The following ADGRE2 variants were observed in gnomAD, a reference collection of about 807,000 sequenced individuals.
The protein encoded by ADGRE2 is adhesion G protein-coupled receptor E2.
In ADGRE2, 83 loss-of-function variants were observed where a neutral mutation model predicts 100.8. That is an observed-to-expected ratio of 0.82 (90% CI 0.69 to 0.99). The LOEUF (loss-of-function observed/expected upper bound fraction) is 0.99. Among genes scored for constraint, ADGRE2 ranks in the 50% least tolerant of loss-of-function variants. ADGRE2 has a pLI of 0.00. For synonymous variants in ADGRE2, 355 were observed against 413.0 expected (o/e 0.86, Z 1.70); for missense variants, 814 against 1,035.7 (o/e 0.79, Z 2.94).
At chr19:14,750,547 G>A (rs2043253784) in intron 16 of ADGRE2, among the ~76,000 whole-genome samples, 1 of 150,480 alleles carries the variant, frequency 6.6e-6, no homozygotes, top group African/African-American at 2.5e-5. Flanking sequence ...GTGTCCTGGA[G>A]GTTTCAACCA....
At chr19:14,751,350 G>T in intron 16 of ADGRE2, 86 bp downstream of exon 16, 2 of 931,152 alleles carry the variant, frequency 2.1e-6, no homozygotes, top group Non-Finnish European at 3.5e-6. Flanking sequence ...CTAATTAAAA[G>T]CAGGTGTCAT....
rs773278296 is a variant in ADGRE2, at chr19:14,764,476, G to A, written c.1041C>T (p.Asn347=). 7.3e-5 allele frequency: 117 copies of A among 1,613,104 alleles called. No homozygotes were observed. The highest frequency in any genetic ancestry group is 9.4e-5 in the Non-Finnish European group (111 of 1,179,996). ...LEDVLRGLSK[N]LSNGLLNFSY... ...TGAAGTTCAACAGCCCATTGGAAAG[G>A]TTCTTGCTCAGGCCTCTGAGGACAT... The change falls in exon 11 of 21, where the codon AAC becomes AAT. Residue 347 remains asparagine (N), a synonymous_variant. Transcript: ENST00000315576.
intron 2 of ADGRE2, among the ~76,000 whole-genome samples, chr19:14,774,535 G>C (rs930339212): frequency 1.3e-5 from 2 of 151,168 alleles, no homozygotes. Flanking sequence ...TTGACACAGG[G>C]TCTCTCTGGG....
chr19:14,729,707 A>C (rs2042655688), downstream of ADGRE2, among the ~76,000 whole-genome samples: 1 of 152,202 alleles, frequency 6.6e-6, no homozygotes, highest in African/African-American at 2.4e-5. Context: ...ATTGTAGAGC[A>C]TGGTGACTAT....
At chr19:14,772,253 G>T in intron 5 of ADGRE2, 89 bp downstream of exon 5, 1 of 1,561,480 alleles carries the variant, frequency 6.4e-7, no homozygotes, top group African/African-American at 1.4e-5. Flanking sequence ...CCTATACTTG[G>T]GTACCTGCTC....
At chr19:14,769,013 A>G (rs1465717007) in intron 5 of ADGRE2, 1 of 152,234 alleles carries the variant, frequency 6.6e-6, no homozygotes, top group Non-Finnish European at 1.5e-5. Flanking sequence ...ATGATAGCAG[A>G]GAGAATGGAT....
chr19:14,765,611 G>A (rs1477867330), intron 8 of ADGRE2, 41 bp from the exon 9 acceptor site: 3 of 1,614,320 alleles, frequency 1.9e-6, no homozygotes, highest in Admixed American at 1.7e-5. Flanking sequence ...GCGGGAGCGT[G>A]TCAGTGTGTG....
intron 11 of ADGRE2, among the ~76,000 whole-genome samples, chr19:14,761,938 CAA>C (rs1246256669): frequency 1.3e-5 from 2 of 152,178 alleles, no homozygotes; most frequent in African/African-American, 4.8e-5. Context: ...CTTTCTCTCA[CAA>C]GAGAGAGAGT....
At chr19:14,773,080 C>CAAAAAAAAAAAAAAAAAAAAAAAAA (rs35688921) in intron 4 of ADGRE2, among the ~76,000 whole-genome samples, 3 of 45,824 alleles carry the variant, frequency 6.5e-5, no homozygotes, top group South Asian at 1.0e-3. Context: ...GACTCCATCT[C>CAAAAAAAAAAAAAAAAAAAAAAAAA]AAAAAAAAAA....
downstream of ADGRE2, chr19:14,731,099 C>T (rs577658747): frequency 4.4e-6 from 6 of 1,369,990 alleles, no homozygotes; most frequent in Non-Finnish European, 6.0e-6. Flanking sequence ...CCCCCTCCCC[C>T]CAAGGATTGG....
chr19:14,768,182 G>A (rs2044062942), intron 5 of ADGRE2, among the ~76,000 whole-genome samples: 2 of 152,064 alleles, frequency 1.3e-5, no homozygotes, highest in South Asian at 4.1e-4. Context: ...CTAGCTCTGA[G>A]AGCCCAGCTC....
chr19:14,772,401 C>G lies in ADGRE2; in HGVS notation c.296G>C (p.Gly99Ala). 6.2e-7 allele frequency: 1 copy of G among 1,614,080 alleles called. No homozygotes were observed. Residue 99 changes from glycine (G) to alanine (A), a missense_variant, in exon 5 of 21, where the codon GGA becomes GCA. By Grantham distance (60) the Gly-to-Ala change is moderately conservative. Coordinates refer to ENST00000315576, the MANE Select transcript of ADGRE2 (RefSeq NM_013447.4). ...TTTTGCCCCAGAAACAGGCTCATAT[C>G]CTGGGCTGCACACGCAGTCGTAGCT... ...EGSYDCVCSP[G>A]YEPVSGAKTF...
At chr19:14,768,329 C>G (rs1365688829) in intron 5 of ADGRE2, among the ~76,000 whole-genome samples, 1 of 152,216 alleles carries the variant, frequency 6.6e-6, no homozygotes, top group African/African-American at 2.4e-5. Context: ...GCTGGGTTGC[C>G]CCAGGGCTGT....
At chr19:14,736,670 A>C (rs2042753081) in intron 20 of ADGRE2, among the ~76,000 whole-genome samples, 1 of 144,066 alleles carries the variant, frequency 6.9e-6, no homozygotes, top group Non-Finnish European at 1.5e-5. Flanking sequence ...TTCTAAATAT[A>C]TATATTTAGA....
chr19:14,747,106 G>T, intron 16 of ADGRE2, 144 bp from the exon 17 acceptor site: 2 of 752,536 alleles, frequency 2.7e-6, no homozygotes, highest in Non-Finnish European at 4.4e-6. Flanking sequence ...TAGGGTCTGT[G>T]GTTGGCTCTG....
chr19:14,776,688 C>T, intron 2 of ADGRE2, 38 bp downstream of exon 2: 1 of 1,600,736 alleles, frequency 6.2e-7, no homozygotes, highest in Non-Finnish European at 8.5e-7. Context: ...GCTGGAGCTT[C>T]CTCGCTACCA....
At position 14,736,118 on chromosome 19, in the gene ADGRE2, G is replaced by T; in HGVS notation, c.*118C>A. ...CTTCCATAACATCCTTCATATTGCT[G>T]ACATGGTGAATTTCTTGAAACACAC... is the stretch of plus-strand genomic sequence containing the variant. On this transcript the variant is annotated 3_prime_UTR_variant, in exon 21 of 21. Transcript: ENST00000315576. The T allele has an allele frequency of 1.0e-6, 1 of 960,822 alleles. No homozygotes were observed. Among genetic ancestry groups the T allele is most frequent in the South Asian group, 1.5e-5 (1 of 66,394 alleles). 59.5% of individuals were successfully genotyped at this position (960,822 alleles called of 1,614,324 possible).
At chr19:14,770,669 CTTTTTTT>C (rs775214778) in intron 5 of ADGRE2, among the ~76,000 whole-genome samples, 11 of 85,008 alleles carry the variant, frequency 1.3e-4, no homozygotes, top group Non-Finnish European at 2.5e-4. Flanking sequence ...TCTTTCTTTT[CTTTTTTT>C]TTTTTTTTTT....
chr19:14,774,040 A>T lies in ADGRE2; in HGVS notation c.97T>A (p.Cys33Ser). ...TQDSRGCARW[C>S]PQDSSCVNAT... ...TTGACACACGAGGAGTCCTGAGGGC[A>T]CCACCGGGCACAGCCTGCAAGAGCA... is the stretch of plus-strand genomic sequence containing the variant. Residue 33 changes from cysteine to serine, a missense_variant, in exon 4 of 21, where the codon TGC becomes AGC. Physicochemically the swap from Cys to Ser is moderately radical, Grantham distance 112 (BLOSUM62 -1). Transcript: ENST00000315576. 2 of 1,613,966 alleles carry T rather than the reference A, an allele frequency of 1.2e-6. No individual in the cohort carries two copies. Among genetic ancestry groups the T allele is most frequent in the Non-Finnish European group, 1.7e-6 (2 of 1,180,004 alleles).
Sources: gnomAD v4.1 joint callset for allele counts (sites outside exome capture counted in the v4.1 genomes callset) on GRCh38, gnomAD v4.1.1 for gene constraint, MANE v1.5 for transcripts, NCBI Gene and HGNC (gene_info 2026-07-23, HGNC 2026-07-21) for gene names.